Variants in DDX42 observed in about 807,000 individuals in gnomAD.
DDX42 encodes DEAD-box helicase 42, also known as ATP-dependent RNA helicase DDX42.
Under a neutral mutation model 101.5 loss-of-function variants are expected in DDX42, and 22 were observed. The observed-to-expected ratio is 0.22, with a 90% CI of 0.15 to 0.31. The LOEUF (loss-of-function observed/expected upper bound fraction) is 0.31, where lower values mean the gene tolerates loss of function less well. Ranked by LOEUF, DDX42 falls within the 10% of genes least tolerant of loss-of-function variation. DDX42 has a pLI of 1.00. For missense variants in DDX42, 849 were observed against 1,199.9 expected, an observed-to-expected ratio of 0.71 and a Z score of 4.32; for synonymous variants, 402 against 401.2, an observed-to-expected ratio of 1.00 and a Z score of -0.02.
chr17:63,817,806 C>T lies in DDX42; in HGVS notation c.2225C>T (p.Thr742Ile). The change falls in exon 18 of 18, where the codon ACT becomes ATT. Residue 742 changes from threonine to isoleucine, a missense_variant. Coordinates refer to ENST00000389924, the MANE Select transcript of DDX42 (RefSeq NM_203499.3). The stretch of plus-strand genomic sequence containing the variant: ...GCAGGGAGCTTGAATTCTGTTCCAA[C>T]TAACTCAGCACAACAGGGCCATAAC... Reference protein sequence around the residue: ...TSAGSLNSVPTNSAQQGHNSP... With the variant: ...TSAGSLNSVPINSAQQGHNSP... The T allele has an allele frequency of 6.2e-7, 1 of 1,614,192 alleles. No individual in the cohort carries two copies. Among genetic ancestry groups the T allele is most frequent in the Non-Finnish European group, 8.5e-7 (1 of 1,180,042 alleles).
intron 1 of DDX42, among the ~76,000 whole-genome samples, chr17:63,775,359 T>C (rs9895920): frequency 0.32 from 48,861 of 152,028 alleles, 9,076 homozygotes; most frequent in African/African-American, 0.51. Flanking sequence ...GGATAGGTGT[T>C]AGACCCCTGC....
chr17:63,778,513 CTG>C (rs886323786), intron 1 of DDX42, among the ~76,000 whole-genome samples: 4 of 152,224 alleles, frequency 2.6e-5, no homozygotes, highest in African/African-American at 9.6e-5. Context: ...ACTGTGAACT[CTG>C]AGTATGGCTG....
At chr17:63,780,029 G>T (rs1350425885) in intron 1 of DDX42, among the ~76,000 whole-genome samples, 1 of 152,188 alleles carries the variant, frequency 6.6e-6, no homozygotes, top group Non-Finnish European at 1.5e-5. Context: ...GGGCACGGTG[G>T]CTCACGCCTG....
chr17:63,797,958 T>C (rs2039713758), intron 3 of DDX42, 80 bp from the exon 4 acceptor site: 3 of 1,318,962 alleles, frequency 2.3e-6, no homozygotes, highest in Middle Eastern at 1.9e-4. Context: ...AAAGCTATTA[T>C]GGCACTTGTT....
At position 63,798,119 on chromosome 17, in the gene DDX42, C is replaced by A; in HGVS notation, c.434+20C>A. ...CGTAAAGTAAGTTGTTTTCTTCTCCCTCACAAAGGTTACGTGAAAACTGCT... is the reference window on the plus strand; with the variant it reads ...CGTAAAGTAAGTTGTTTTCTTCTCCATCACAAAGGTTACGTGAAAACTGCT... On this transcript the variant is annotated intron_variant, in intron 4 of 17. Coordinates refer to ENST00000389924, the MANE Select transcript of DDX42 (RefSeq NM_203499.3). 6.2e-7 allele frequency: 1 copy of A among 1,610,826 alleles called. No individual in the cohort carries two copies. Among genetic ancestry groups the A allele is most frequent in the South Asian group, 1.1e-5 (1 of 90,406 alleles).
intron 6 of DDX42, among the ~76,000 whole-genome samples, chr17:63,802,245 CGTGACCCT>C (rs2039780041): frequency 6.6e-6 from 1 of 152,156 alleles, no homozygotes; most frequent in Admixed American, 6.5e-5. Context: ...TTATTAAAGT[CGTGACCCT>C]TGAGCTACAT....
chr17:63,806,200 A>C (rs2144575260), intron 7 of DDX42: 1 of 174,618 alleles, frequency 5.7e-6, no homozygotes, highest in Non-Finnish European at 1.2e-5. Flanking sequence ...CTTAATGCAA[A>C]ATGGCAAAAG....
In DDX42 at chr17:63,798,028, G is replaced by C; in HGVS notation, c.373-10G>C. 3 of 1,607,604 alleles carry C rather than the reference G, an allele frequency of 1.9e-6. No individual in the cohort carries two copies. Among genetic ancestry groups the C allele is most frequent in the Non-Finnish European group, 2.5e-6 (3 of 1,177,406 alleles). Reference sequence around the variant, plus strand: ...TTGATGTCATTCTATACAGCCTTTTGTTTCATTAGGATCAGGCAGCTAGAG... The same window carrying C: ...TTGATGTCATTCTATACAGCCTTTTCTTTCATTAGGATCAGGCAGCTAGAG... On this transcript the variant is annotated splice_polypyrimidine_tract_variant and intron_variant, in intron 3 of 17. Transcript: ENST00000389924.
intron 6 of DDX42, among the ~76,000 whole-genome samples, chr17:63,803,820 T>C (rs976122933): frequency 9.9e-5 from 15 of 151,566 alleles, no homozygotes; most frequent in African/African-American, 3.4e-4. Flanking sequence ...CGGCTAATTT[T>C]TGTATTTTTG....
At chr17:63,778,566 T>G (rs2039448893) in intron 1 of DDX42, among the ~76,000 whole-genome samples, 1 of 152,210 alleles carries the variant, frequency 6.6e-6, no homozygotes, top group Non-Finnish European at 1.5e-5. Context: ...CTTAGAGCAG[T>G]TACTGGCACA....
intron 1 of DDX42, among the ~76,000 whole-genome samples, chr17:63,785,732 C>G (rs1404002028): frequency 6.6e-6 from 1 of 152,162 alleles, no homozygotes; most frequent in Admixed American, 6.5e-5. Flanking sequence ...CTGAATACTT[C>G]AGGCAACATG....
intron 15 of DDX42, 123 bp downstream of exon 15, chr17:63,813,577 A>T (rs2039938864): frequency 1.3e-6 from 1 of 764,594 alleles, no homozygotes; most frequent in East Asian, 2.7e-5. Context: ...TGTGGGGCTT[A>T]TGAGGTACAG....
At chr17:63,814,969 G>A (rs529935710) in intron 15 of DDX42, among the ~76,000 whole-genome samples, 2 of 152,186 alleles carry the variant, frequency 1.3e-5, no homozygotes, top group Non-Finnish European at 2.9e-5. Context: ...ATTCATAGGC[G>A]TGAGCCACCG....
chr17:63,784,417 C>T (rs1014762358), intron 1 of DDX42, among the ~76,000 whole-genome samples: 1 of 152,110 alleles, frequency 6.6e-6, no homozygotes, highest in Non-Finnish European at 1.5e-5. Flanking sequence ...TACTACCCAC[C>T]TTGTTTTATG....
chr17:63,814,825 G>A lies in DDX42; in HGVS notation c.1903-738G>A, dbSNP rs74447495. ...CTGCCTCAGCCTCCCAAGCAGCTGG[G>A]ATTAGAGGCATGTGCCACCATGCCT... On this transcript the variant is annotated intron_variant, in intron 15 of 17. Transcript: ENST00000389924. Among the ~76,000 whole-genome samples, 1,118 of 152,076 alleles carry A rather than the reference G, an allele frequency of 7.4e-3. 19 individuals are homozygous for A. Among genetic ancestry groups the A allele is most frequent in the Non-Finnish European group, 7.2e-3 (487 of 67,972 alleles).
intron 3 of DDX42, among the ~76,000 whole-genome samples, chr17:63,794,484 A>G (rs756179577): frequency 6.6e-6 from 1 of 151,900 alleles, no homozygotes; most frequent in Non-Finnish European, 1.5e-5. Flanking sequence ...CTCAGCCTGG[A>G]TGACAAAGTG....
intron 6 of DDX42, among the ~76,000 whole-genome samples, chr17:63,801,945 T>C (rs1037156109): frequency 6.6e-6 from 1 of 152,232 alleles, no homozygotes; most frequent in Admixed American, 6.5e-5. Context: ...CATACACTAA[T>C]GATTCTAGAT....
intron 2 of DDX42, among the ~76,000 whole-genome samples, chr17:63,788,059 C>A (rs2039570600): frequency 6.6e-6 from 1 of 151,782 alleles, no homozygotes; most frequent in South Asian, 2.1e-4. Context: ...CATGCACCAC[C>A]ATGCTGGGCT....
rs138224520 is a variant in DDX42 at position 63,789,546 on chromosome 17, C to CGTTTTTTTTTTTTTTTTTTT, written c.221+2276_221+2277insGTTTTTTTTTTTTTTTTTTT. On this transcript the variant is annotated intron_variant, in intron 2 of 17. Transcript: ENST00000389924. ...ATTGGAAAAAAAAGCTTCTAAAAGA[C>CGTTTTTTTTTTTTTTTTTTT]TTTTTTGTTTTTGTTTTTGTTTTTG... Among the ~76,000 whole-genome samples, 6 of 121,848 alleles carry CGTTTTTTTTTTTTTTTTTTT rather than the reference C, an allele frequency of 4.9e-5. 1 individual carries two copies. Among genetic ancestry groups the CGTTTTTTTTTTTTTTTTTTT allele is most frequent in the Non-Finnish European group, 3.2e-5 (2 of 62,602 alleles). The allele number at this position is 121,848 out of a possible 152,430, so 79.9% of individuals were successfully genotyped here.
Sources: allele counts gnomAD v4.1 joint callset (sites outside exome capture counted in the v4.1 genomes callset), GRCh38; gene constraint gnomAD v4.1.1; transcripts MANE v1.5; gene names NCBI Gene and HGNC (gene_info 2026-07-23, HGNC 2026-07-21).